Variants in FHOD3 observed in about 807,000 individuals in gnomAD.
The protein encoded by FHOD3 is formin homology 2 domain containing 3.
A neutral mutation model predicts 173.0 loss-of-function variants in FHOD3; 90 were observed. The observed-to-expected ratio is 0.52, with a 90% confidence interval of 0.44 to 0.62. FHOD3 has a LOEUF of 0.62. Among genes scored for constraint, FHOD3 ranks in the 20% least tolerant of loss-of-function variants. The pLI is 0.00. For missense variants in FHOD3, 1,945 were observed against 2,034.7 expected, an observed-to-expected ratio of 0.96 and a Z score of 0.85; for synonymous variants, 828 against 823.0, an observed-to-expected ratio of 1.01 and a Z score of -0.10.
intron 5 of FHOD3, among the ~76,000 whole-genome samples, chr18:36,547,413 T>C (rs1000804264): frequency 2.0e-5 from 3 of 152,184 alleles, no homozygotes; most frequent in Non-Finnish European, 4.4e-5. Flanking sequence ...TTCTGTGAGG[T>C]AGATTTGTCA....
chr18:36,344,621 A>G (rs1598781649), intron 1 of FHOD3, among the ~76,000 whole-genome samples: 1 of 152,208 alleles, frequency 6.6e-6, no homozygotes, highest in Non-Finnish European at 1.5e-5. Flanking sequence ...AGTAGATTAA[A>G]CCAAATATGG....
In FHOD3 at chr18:36,652,427, A is replaced by C. The variant is rs1255947619; in HGVS notation, c.1287-143A>C. On this transcript the variant is annotated intron_variant, in intron 11 of 28. Transcript: ENST00000590592. ...TGCTGGTGACAGGCTTTTATGCTTCAGTTCAAGAAACACAGCTTGACTTTG... is the reference window on the plus strand; with the variant it reads ...TGCTGGTGACAGGCTTTTATGCTTCCGTTCAAGAAACACAGCTTGACTTTG... 8 of 1,068,266 alleles carry C rather than the reference A, an allele frequency of 7.5e-6. 1 individual carries two copies. In the Admixed American group the frequency reaches 2.3e-4, roughly 31 times the overall value. 66.2% of individuals were successfully genotyped at this position (1,068,266 alleles called of 1,614,324 possible).
intron 9 of FHOD3, among the ~76,000 whole-genome samples, chr18:36,616,518 T>C (rs1370992232): frequency 6.6e-6 from 1 of 152,250 alleles, no homozygotes; most frequent in Non-Finnish European, 1.5e-5. Flanking sequence ...GAAATTATAC[T>C]GTGTTCACCA....
chr18:36,492,185 T>G (rs762943010), intron 3 of FHOD3, among the ~76,000 whole-genome samples: 1 of 152,188 alleles, frequency 6.6e-6, no homozygotes, highest in Non-Finnish European at 1.5e-5. Flanking sequence ...CTGGGGACAC[T>G]ATTTTCTCTT....
chr18:36,546,339 T>C (rs2057409581), intron 5 of FHOD3, among the ~76,000 whole-genome samples: 2 of 152,250 alleles, frequency 1.3e-5, no homozygotes, highest in Non-Finnish European at 2.9e-5. Flanking sequence ...TTCCTTTTTT[T>C]TGTCGCAGTT....
intron 1 of FHOD3, among the ~76,000 whole-genome samples, chr18:36,340,100 G>A (rs10502657): frequency 0.063 from 9,621 of 152,090 alleles, 989 homozygotes; most frequent in African/African-American, 0.21. Flanking sequence ...TAGTATTCTT[G>A]TTTGAACGAA....
At chr18:36,358,097 A>G (rs7244352) in intron 2 of FHOD3, among the ~76,000 whole-genome samples, 67,005 of 152,056 alleles carry the variant, frequency 0.44, 15,031 homozygotes, top group South Asian at 0.54. Context: ...ATCTGAGACA[A>G]CCAAGGGTCA....
At chr18:36,325,654 G>A (rs2044633106) in intron 1 of FHOD3, among the ~76,000 whole-genome samples, 1 of 152,128 alleles carries the variant, frequency 6.6e-6, no homozygotes, top group South Asian at 2.1e-4. Context: ...CTGTGGGCTG[G>A]AGGAAGGAAT....
At chr18:36,761,083 C>T (rs977216008) in intron 27 of FHOD3, among the ~76,000 whole-genome samples, 1 of 152,184 alleles carries the variant, frequency 6.6e-6, no homozygotes, top group Admixed American at 6.5e-5. Flanking sequence ...CAGCCTTCCC[C>T]CTGCTTTTAG....
chr18:36,395,130 A>G (rs753878676), intron 3 of FHOD3, among the ~76,000 whole-genome samples: 8 of 151,796 alleles, frequency 5.3e-5, no homozygotes, highest in South Asian at 2.1e-4. Context: ...CACCATCAAT[A>G]TAACTACTGA....
rs1421196799 is a variant in FHOD3, at chr18:36,331,957, G to A, written c.166-23582G>A. Among the ~76,000 whole-genome samples, 4 of 152,150 alleles carry A rather than the reference G, an allele frequency of 2.6e-5. No individual in the cohort carries two copies. The East Asian group carries it at 5.8e-4, about 22-fold the overall frequency. On this transcript the variant is annotated intron_variant, in intron 1 of 28. Transcript: ENST00000590592. ...CAGTTGTGCATGCTGAGAGGTGATC[G>A]CTGGGCTGTTCAGGGGCTGTGAGGT...
Position 36,718,363 on chromosome 18 carries a change from C to CG in FHOD3, c.3065_3066insG (p.Pro1023SerfsTer30). On this transcript the variant is annotated frameshift_variant, in exon 19 of 29. Transcript: ENST00000590592. LOFTEE classifies it high-confidence loss of function. ...GGTCACAGGGAGGCCCCTGGGCCAC[C>CG]TCCCCCACCCCCACCCACCTTTCTG... 5.0e-6 allele frequency: 8 copies of CG among 1,589,318 alleles called. No homozygotes were observed. The highest frequency in any genetic ancestry group is 5.1e-6 in the Non-Finnish European group (6 of 1,166,220).
intron 3 of FHOD3, among the ~76,000 whole-genome samples, chr18:36,444,050 G>A (rs1039141152): frequency 1.3e-4 from 19 of 151,980 alleles, no homozygotes; most frequent in South Asian, 2.1e-4. Context: ...AAAATTAGCC[G>A]GGGGCAGTGG....
chr18:36,463,621 C>G (rs2052722571), intron 3 of FHOD3, among the ~76,000 whole-genome samples: 1 of 147,140 alleles, frequency 6.8e-6, no homozygotes, highest in Non-Finnish European at 1.5e-5. Context: ...ACCTCAGCCT[C>G]CTGAGCTGGG....
Position 36,355,736 on chromosome 18 carries a change from A to G in FHOD3, c.272+91A>G, listed in dbSNP as rs79498577. The G allele has an allele frequency of 0.015, 15,143 of 1,039,204 alleles. 1,406 individuals are homozygous for G. In the East Asian group the frequency reaches 0.25, roughly 17 times the overall value. 64.4% of individuals were successfully genotyped at this position (1,039,204 alleles called of 1,614,324 possible). ...CTTAAAGTATTTAGGAGGAACTACCATGGCTTTGACCTTCTCTTAATTCTC... is the reference window on the plus strand; with the variant it reads ...CTTAAAGTATTTAGGAGGAACTACCGTGGCTTTGACCTTCTCTTAATTCTC... On this transcript the variant is annotated intron_variant, in intron 2 of 28. Transcript: ENST00000590592.
chr18:36,462,834 C>T (rs2052642846), intron 3 of FHOD3, among the ~76,000 whole-genome samples: 1 of 152,130 alleles, frequency 6.6e-6, no homozygotes, highest in African/African-American at 2.4e-5. Flanking sequence ...CCTATATTGC[C>T]CCGATTAATC....
At position 36,717,790 on chromosome 18, in the gene FHOD3, C is replaced by T. The variant is rs3809994; in HGVS notation, c.2534-42C>T. ...ATCGATTCTCTCATGGAAGTGAGGC[C>T]CCCTTGCCCCTTTCTCATTTTTCTC... On this transcript the variant is annotated intron_variant, in intron 18 of 28. Transcript: ENST00000590592. 590,352 of 1,510,622 alleles carry T rather than the reference C, an allele frequency of 0.39. 116,968 individuals carry two copies. Among genetic ancestry groups the T allele is most frequent in the South Asian group, 0.5 (36,148 of 72,696 alleles). The allele number at this position is 1,510,622 out of a possible 1,614,324, so 93.6% of individuals were successfully genotyped here.
intron 1 of FHOD3, among the ~76,000 whole-genome samples, chr18:36,341,064 G>A (rs35391144): frequency 0.088 from 13,350 of 152,158 alleles, 703 homozygotes; most frequent in Middle Eastern, 0.16. Context: ...GAGCCAGGTC[G>A]TTTAGGTTCA....
At chr18:36,609,872 A>G (rs962190102) in intron 8 of FHOD3, among the ~76,000 whole-genome samples, 1 of 152,084 alleles carries the variant, frequency 6.6e-6, no homozygotes, top group African/African-American at 2.4e-5. Context: ...CAACCCCCCA[A>G]AAGTGTTGGA....
Sources: gnomAD v4.1 joint callset for allele counts (sites outside exome capture counted in the v4.1 genomes callset) on GRCh38, gnomAD v4.1.1 for gene constraint, MANE v1.5 for transcripts, NCBI Gene and HGNC (gene_info 2026-07-23, HGNC 2026-07-21) for gene names.